EHMT1: variants seen among roughly 807,000 people sequenced by gnomAD.
The protein encoded by EHMT1 is euchromatic histone lysine methyltransferase 1.
EHMT1 carries 15 observed loss-of-function variants against 147.2 expected under a neutral mutation model. The ratio of observed to expected loss-of-function variants is 0.10; its 90% CI spans 0.07 to 0.16. EHMT1 has a LOEUF of 0.16. EHMT1 is among the 10% of genes least tolerant of loss of function. The pLI, the probability that EHMT1 is intolerant of heterozygous loss-of-function variation, is 1.00. For missense variants in EHMT1, 1,587 were observed against 1,772.4 expected, an observed-to-expected ratio of 0.90 and a Z score of 1.88; for synonymous variants, 795 against 709.6, an observed-to-expected ratio of 1.12 and a Z score of -1.91.
chr9:137,752,014 T>TA (rs1399247455), intron 6 of EHMT1, among the ~76,000 whole-genome samples: 1 of 152,250 alleles, frequency 6.6e-6, no homozygotes. Flanking sequence ...CCCTCACTGA[T>TA]ACAGCACCCA....
chr9:137,725,611 CTA>C (rs1946546767), intron 3 of EHMT1, among the ~76,000 whole-genome samples: 1 of 152,114 alleles, frequency 6.6e-6, no homozygotes, highest in Admixed American at 6.5e-5. Flanking sequence ...CCAGGTCGTT[CTA>C]TGTCTGTTCT....
At chr9:137,814,057 C>CCG (rs1954719021) in intron 21 of EHMT1, among the ~76,000 whole-genome samples, 2 of 8,086 alleles carry the variant, frequency 2.5e-4, no homozygotes, top group African/African-American at 1.3e-3. Flanking sequence ...ACTGCCCAGG[C>CCG]CCCCCCCCCC....
At chr9:137,698,846 T>C (rs1415612127) in intron 1 of EHMT1, among the ~76,000 whole-genome samples, 1 of 152,168 alleles carries the variant, frequency 6.6e-6, no homozygotes, top group African/African-American at 2.4e-5. Flanking sequence ...CCAAAATATG[T>C]CTAGTCCTTA....
intron 1 of EHMT1, among the ~76,000 whole-genome samples, chr9:137,690,817 A>C (rs1363171641): frequency 6.6e-6 from 1 of 152,224 alleles, no homozygotes; most frequent in Non-Finnish European, 1.5e-5. Context: ...CTGCTGCTTT[A>C]AACAGCATCA....
At chr9:137,805,378 G>A (rs1033326749) in intron 18 of EHMT1, among the ~76,000 whole-genome samples, 9 of 152,074 alleles carry the variant, frequency 5.9e-5, no homozygotes, top group African/African-American at 2.2e-4. Flanking sequence ...TCATCCGCAT[G>A]TGTGAGCCAG....
At chr9:137,717,270 G>A in intron 3 of EHMT1, 88 bp downstream of exon 3, 1 of 1,508,712 alleles carries the variant, frequency 6.6e-7, no homozygotes, top group South Asian at 1.2e-5. Flanking sequence ...TTGAGGAGAA[G>A]CCAGTAAGTG....
chr9:137,818,246 A>G (rs1955085915), intron 25 of EHMT1, 108 bp downstream of exon 25: 10 of 1,270,946 alleles, frequency 7.9e-6, no homozygotes, highest in African/African-American at 1.5e-5. Context: ...TACTGTTGAC[A>G]AGAGTGGGCT....
Position 137,834,975 on chromosome 9 carries a change from G to A in EHMT1, c.*22G>A, listed in dbSNP as rs1416949651. On this transcript the variant is annotated 3_prime_UTR_variant, in exon 27 of 27. Coordinates refer to ENST00000460843, the MANE Select transcript of EHMT1 (RefSeq NM_024757.5). Reference sequence around the variant, plus strand: ...ATGAGACGCCGCCGGCCAGCGGGGCGCTCGGGAGCCAGGGACCGCCGCGTC... The same window carrying A: ...ATGAGACGCCGCCGGCCAGCGGGGCACTCGGGAGCCAGGGACCGCCGCGTC... 2.2e-6 allele frequency: 3 copies of A among 1,388,672 alleles called. No individual in the cohort carries two copies. The highest frequency in any genetic ancestry group is 3.2e-5 in the South Asian group (2 of 61,712). 86.0% of individuals were successfully genotyped at this position (1,388,672 alleles called of 1,614,324 possible).
rs753010324 is a variant in EHMT1 at position 137,743,934 on chromosome 9, C to T, written c.1014C>T (p.His338=). 2.9e-5 allele frequency: 46 copies of T among 1,613,428 alleles called. No homozygotes were observed. Among genetic ancestry groups the T allele is most frequent in the East Asian group, 4.5e-5 (2 of 44,900 alleles). ...AGGACCTGGGCGCCAGCAGCCTGCACGTGAATGGGGAGAGCCTGGAGATGG... is the reference window on the plus strand; with the variant it reads ...AGGACCTGGGCGCCAGCAGCCTGCATGTGAATGGGGAGAGCCTGGAGATGG... The part of the protein sequence containing the change: ...GEKDLGASSL[H]VNGESLEMDS... The change falls in exon 6 of 27, where the codon CAC becomes CAT. Residue 338 remains histidine, a synonymous_variant. Coordinates refer to ENST00000460843, the MANE Select transcript of EHMT1 (RefSeq NM_024757.5).
At chr9:137,777,095 A>G (rs1951019752) in intron 12 of EHMT1, 3 of 475,376 alleles carry the variant, frequency 6.3e-6, no homozygotes, top group Non-Finnish European at 7.7e-6. Context: ...ACCCCCATTG[A>G]TGTAGCTCTG....
intron 1 of EHMT1, among the ~76,000 whole-genome samples, chr9:137,690,346 A>G (rs1942828437): frequency 6.6e-6 from 1 of 151,994 alleles, no homozygotes; most frequent in Admixed American, 6.6e-5. Context: ...CTGTTGCATA[A>G]TAATCAGACA....
At chr9:137,726,392 T>G (rs1946631934) in intron 3 of EHMT1, among the ~76,000 whole-genome samples, 1 of 152,196 alleles carries the variant, frequency 6.6e-6, no homozygotes, top group Non-Finnish European at 1.5e-5. Context: ...TGTGGCTGAC[T>G]TACTTCATTC....
At chr9:137,773,382 C>T (rs1307736467) in intron 10 of EHMT1, among the ~76,000 whole-genome samples, 1 of 151,774 alleles carries the variant, frequency 6.6e-6, no homozygotes, top group Non-Finnish European at 1.5e-5. Flanking sequence ...AGGTCTTGTT[C>T]CATAGGTTTG....
chr9:137,663,322 A>G (rs940548757), intron 1 of EHMT1, among the ~76,000 whole-genome samples: 4 of 152,116 alleles, frequency 2.6e-5, no homozygotes, highest in African/African-American at 9.7e-5. Context: ...GATGTGGGCC[A>G]TATGGCTGGT....
chr9:137,807,257 C>T (rs1954026018), intron 18 of EHMT1, among the ~76,000 whole-genome samples: 1 of 152,108 alleles, frequency 6.6e-6, no homozygotes, highest in African/African-American at 2.4e-5. Context: ...TTTTTTCCCT[C>T]TGTGTTTCAG....
At position 137,728,197 on chromosome 9, in the gene EHMT1, GTT is replaced by G. The variant is rs1436260379; in HGVS notation, c.643-150_643-149del. 7 of 1,133,552 alleles carry G rather than the reference GTT, an allele frequency of 6.2e-6. No individual in the cohort carries two copies. The African/African-American group carries it at 9.1e-5, about 15-fold the overall frequency. 70.2% of individuals were successfully genotyped at this position (1,133,552 alleles called of 1,614,324 possible). On this transcript the variant is annotated intron_variant, in intron 3 of 26. Coordinates refer to ENST00000460843, the MANE Select transcript of EHMT1 (RefSeq NM_024757.5). ...AGGCACACGTGAGGACAGCTGTGCTGTTTCCGCTTGCAGACTTTCTCCTCTCT... is the reference window on the plus strand; with the variant it reads ...AGGCACACGTGAGGACAGCTGTGCTGTCCGCTTGCAGACTTTCTCCTCTCT...
rs151212458 is a variant in EHMT1, at chr9:137,649,008, C to T, written c.21+29959C>T. Among the ~76,000 whole-genome samples, 818 of 152,340 alleles carry T rather than the reference C, an allele frequency of 5.4e-3. 6 individuals carry two copies. Among genetic ancestry groups the T allele is most frequent in the Non-Finnish European group, 9.6e-3 (650 of 68,038 alleles). ...CCACCCAAAAAGCCAGAGACTGATC[C>T]TGGTTGTCGTATCGTGCTTGAGCTT... On this transcript the variant is annotated intron_variant, in intron 1 of 26. Coordinates refer to ENST00000460843, the MANE Select transcript of EHMT1 (RefSeq NM_024757.5).
chr9:137,696,650 A>G (rs1943418304), intron 1 of EHMT1, among the ~76,000 whole-genome samples: 1 of 152,228 alleles, frequency 6.6e-6, no homozygotes, highest in South Asian at 2.1e-4. Context: ...AAAGGCAAAC[A>G]TCAAGTTCAA....
chr9:137,670,494 C>T (rs945622673), intron 1 of EHMT1, among the ~76,000 whole-genome samples: 1 of 152,124 alleles, frequency 6.6e-6, no homozygotes, highest in African/African-American at 2.4e-5. Context: ...GTCCTGTGCC[C>T]ACGTGCGAGC....
Sources: allele counts gnomAD v4.1 joint callset (sites outside exome capture counted in the v4.1 genomes callset), GRCh38; gene constraint gnomAD v4.1.1; transcripts MANE v1.5; gene names NCBI Gene and HGNC (gene_info 2026-07-23, HGNC 2026-07-21).